Variants in TNIP1 observed in about 807,000 individuals in gnomAD.
TNIP1 encodes the protein TNFAIP3 interacting protein 1, also known as TNFAIP3-interacting protein 1.
In TNIP1, 22 loss-of-function variants were observed where a neutral mutation model predicts 86.6. That is an observed-to-expected ratio of 0.25 (90% CI 0.18 to 0.36). TNIP1 has a LOEUF of 0.36. Ranked by LOEUF, TNIP1 falls within the 10% of genes least tolerant of loss-of-function variation. The probability of loss-of-function intolerance (pLI) is 1.00; values close to 1 mark genes in which losing one functional copy is unlikely to be tolerated. For missense variants in TNIP1, 709 were observed against 820.6 expected (o/e 0.86, Z 1.66); for synonymous variants, 294 against 313.0 (o/e 0.94, Z 0.64).
Position 151,074,156 on chromosome 5 carries a change from T to C in TNIP1, c.-37+6724A>G, listed in dbSNP as rs985211338. Among the ~76,000 whole-genome samples the C allele has an allele frequency of 1.1e-4, 16 of 152,350 alleles. 1 individual carries two copies. The East Asian group carries it at 2.5e-3, about 24-fold the overall frequency. Reference sequence around the variant, plus strand: ...AAGACAACTGTCATTTTTTACATTATATCTTTTGTACTGCTTGAGTTTTGG... The same window carrying C: ...AAGACAACTGTCATTTTTTACATTACATCTTTTGTACTGCTTGAGTTTTGG... On this transcript the variant is annotated intron_variant, in intron 1 of 17. Transcript: ENST00000521591.
chr5:151,085,934 C>A (rs949152526), upstream of TNIP1, among the ~76,000 whole-genome samples: 5 of 152,222 alleles, frequency 3.3e-5, no homozygotes, highest in African/African-American at 1.2e-4. Flanking sequence ...TCTCCCACAC[C>A]CTCTTCTTCT....
intron 9 of TNIP1, among the ~76,000 whole-genome samples, chr5:151,043,972 C>A (rs764924863): frequency 1.3e-5 from 2 of 151,884 alleles, no homozygotes; most frequent in Non-Finnish European, 2.9e-5. Context: ...AGGATCCACA[C>A]CAATTTCAAA....
chr5:151,034,058 AGAAGGCTGGTACATGGGCACG>A (rs1757305728), intron 15 of TNIP1, among the ~76,000 whole-genome samples: 1 of 151,418 alleles, frequency 6.6e-6, no homozygotes, highest in African/African-American at 2.4e-5. Context: ...ACATGGGCAC[AGAAGGCTGGTACATGGGCACG>A]GAAGGCTGGT....
intron 8 of TNIP1, among the ~76,000 whole-genome samples, chr5:151,049,360 C>T (rs534762787): frequency 6.6e-6 from 1 of 152,300 alleles, no homozygotes; most frequent in South Asian, 2.1e-4. Context: ...CCAACACCCT[C>T]CCCTCTCCAC....
At chr5:151,063,859 C>T in intron 2 of TNIP1, 112 bp from the exon 3 acceptor site, 1 of 1,331,430 alleles carries the variant, frequency 7.5e-7, no homozygotes, top group South Asian at 1.4e-5. Flanking sequence ...GCTCCAGGCC[C>T]TGGACTTCAC....
At chr5:151,043,224 G>C (rs1758683390) in intron 9 of TNIP1, among the ~76,000 whole-genome samples, 1 of 152,164 alleles carries the variant, frequency 6.6e-6, no homozygotes, top group South Asian at 2.1e-4. Context: ...AATAATTATG[G>C]AACACACACA....
At chr5:151,042,804 C>T (rs1295523897) in intron 10 of TNIP1, 92 bp downstream of exon 10, 12 of 1,597,420 alleles carry the variant, frequency 7.5e-6, no homozygotes, top group East Asian at 2.2e-5. Context: ...TGGGGCTCAG[C>T]GTGGCCACTC....
chr5:151,069,625 G>A (rs1762611087), intron 1 of TNIP1, among the ~76,000 whole-genome samples: 1 of 152,190 alleles, frequency 6.6e-6, no homozygotes, highest in Non-Finnish European at 1.5e-5. Context: ...GGTACAGGGA[G>A]GTGGAAGGTC....
At chr5:151,036,566 T>A (rs189068829) in intron 13 of TNIP1, among the ~76,000 whole-genome samples, 21 of 152,196 alleles carry the variant, frequency 1.4e-4, no homozygotes, top group African/African-American at 5.1e-4. Context: ...ATAGCACGTG[T>A]GGGGCATAGA....
intron 3 of TNIP1, 151 bp from the exon 4 acceptor site, chr5:151,062,363 T>C (rs1238595275): frequency 7.2e-6 from 5 of 693,578 alleles, no homozygotes; most frequent in Non-Finnish European, 1.3e-5. Flanking sequence ...CAGGGCCAGG[T>C]AGTCTGAGAA....
At chr5:151,084,632 T>C (rs926547422), upstream of TNIP1, among the ~76,000 whole-genome samples, 1 of 152,108 alleles carries the variant, frequency 6.6e-6, no homozygotes, top group Admixed American at 6.5e-5. Flanking sequence ...ACCCCACTGA[T>C]AGGAAATGGA....
intron 11 of TNIP1, among the ~76,000 whole-genome samples, chr5:151,040,767 C>T (rs575712210): frequency 4.7e-4 from 71 of 152,254 alleles, no homozygotes; most frequent in African/African-American, 1.6e-3. Flanking sequence ...CCCATGCTGA[C>T]GGGAGGAACT....
rs1759700228 is a variant in TNIP1, at chr5:151,050,017, GCTCA to G, written c.723-74_723-71del. The G allele has an allele frequency of 4.4e-6, 7 of 1,599,910 alleles. No homozygotes were observed. In the South Asian group the frequency reaches 7.8e-5, roughly 18 times the overall value. On this transcript the variant is annotated intron_variant, in intron 7 of 17. Transcript: ENST00000521591. ...TAAGAAACCTACAGGGCTCCTTAAT[GCTCA>G]CTATCGCATGAGTTGCAGCTGAGCC...
Position 151,056,828 on chromosome 5 carries a change from G to C in TNIP1, c.565C>G (p.Leu189Val), listed in dbSNP as rs1760725087. 6.3e-7 allele frequency: 1 copy of C among 1,596,126 alleles called. No homozygotes were observed. The highest frequency in any genetic ancestry group is 8.5e-7 in the Non-Finnish European group (1 of 1,171,676). Residue 189 changes from leucine to valine, a missense_variant, in exon 6 of 18, where the codon CTG becomes GTG. Physicochemically the swap from Leu to Val is conservative, Grantham distance 32. Coordinates refer to ENST00000521591, the MANE Select transcript of TNIP1 (RefSeq NM_006058.5). ...TTGGATGCCAGTCGGTTGAACTCCA[G>C]GGCCATGCGGCCCAGGTGGGTGAAG... ...QLFTHLGRMALEFNRLASKVH... is the reference protein window; with the variant it reads ...QLFTHLGRMAVEFNRLASKVH...
intron 1 of TNIP1, among the ~76,000 whole-genome samples, chr5:151,080,673 C>T (rs369058743): frequency 0.012 from 1,891 of 152,304 alleles, 16 homozygotes; most frequent in Non-Finnish European, 0.017. Flanking sequence ...TGCGCACGCG[C>T]GCCCCCCACC....
At chr5:151,068,654 G>A (rs1762507233) in intron 1 of TNIP1, among the ~76,000 whole-genome samples, 1 of 152,194 alleles carries the variant, frequency 6.6e-6, no homozygotes, top group South Asian at 2.1e-4. Flanking sequence ...GTGCAGCAAG[G>A]CAAGGCCCTG....
chr5:151,070,581 C>T (rs1762720635), intron 1 of TNIP1, among the ~76,000 whole-genome samples: 1 of 152,144 alleles, frequency 6.6e-6, no homozygotes, highest in African/African-American at 2.4e-5. Context: ...AACCACGATG[C>T]CACACTCACC....
chr5:151,035,437 G>T, intron 14 of TNIP1, 145 bp downstream of exon 14: 1 of 1,174,144 alleles, frequency 8.5e-7, no homozygotes, highest in Non-Finnish European at 1.2e-6. Context: ...AGAGGGGAAG[G>T]GCCTTGCCGA....
At chr5:151,063,782 T>C (rs903868054) in intron 2 of TNIP1, 35 bp from the exon 3 acceptor site, 4 of 1,605,112 alleles carry the variant, frequency 2.5e-6, no homozygotes, top group Non-Finnish European at 3.4e-6. Flanking sequence ...CAAAAGCATT[T>C]ACTCGGCTCA....
Sources: allele counts gnomAD v4.1 joint callset (sites outside exome capture counted in the v4.1 genomes callset), GRCh38; gene constraint gnomAD v4.1.1; transcripts MANE v1.5; gene names NCBI Gene and HGNC (gene_info 2026-07-23, HGNC 2026-07-21).